The following ZMAT4 variants were observed in gnomAD, a reference collection of about 807,000 sequenced individuals.
ZMAT4 encodes zinc finger matrin-type protein 4.
A neutral mutation model predicts 28.7 loss-of-function variants in ZMAT4; 17 were observed. The observed-to-expected ratio is 0.59, with a 90% CI of 0.41 to 0.89. The LOEUF is 0.89. ZMAT4 is among the 40% of genes least tolerant of loss of function. ZMAT4 has a pLI of 0.00. For missense variants in ZMAT4, 240 were observed against 283.8 expected (o/e 0.85, Z 1.11); for synonymous variants, 117 against 109.2 (o/e 1.07, Z -0.44).
At chr8:40,893,329 T>A (rs1416903933) in intron 1 of ZMAT4, among the ~76,000 whole-genome samples, 1 of 151,982 alleles carries the variant, frequency 6.6e-6, no homozygotes, top group Non-Finnish European at 1.5e-5. Flanking sequence ...TGTGGCAAAA[T>A]CAAGAGAGAA....
At chr8:40,738,241 G>T (rs1811859348) in intron 3 of ZMAT4, among the ~76,000 whole-genome samples, 1 of 152,106 alleles carries the variant, frequency 6.6e-6, no homozygotes, top group South Asian at 2.1e-4. Context: ...GAGACAAAGA[G>T]AATTCATGCA....
chr8:40,876,981 C>T (rs1818062063), intron 1 of ZMAT4, among the ~76,000 whole-genome samples: 1 of 152,188 alleles, frequency 6.6e-6, no homozygotes. Context: ...AATATCCTAG[C>T]CTCCACTCCT....
At chr8:40,590,190 A>C (rs1563354370) in intron 5 of ZMAT4, among the ~76,000 whole-genome samples, 1 of 149,606 alleles carries the variant, frequency 6.7e-6, no homozygotes, top group Non-Finnish European at 1.5e-5. Flanking sequence ...TGCCTTGCTA[A>C]TTTTTTTTTA....
At position 40,891,186 on chromosome 8, in the gene ZMAT4, GGGAGA is replaced by G. The variant is rs1191699611; in HGVS notation, c.-5+6492_-5+6496del. 5.3e-3 allele frequency among the ~76,000 whole-genome samples: 236 copies of G among 44,650 alleles called. 7 individuals carry two copies. Among genetic ancestry groups the G allele is most frequent in the African/African-American group, 0.013 (173 of 13,584 alleles). The allele number at this position is 44,650 out of a possible 152,430, so 29.3% of individuals were successfully genotyped here. ...GCACTCCAGCCTGGGCAACAGAGTG[GGGAGA>G]GGAGAGGAGAGGAGAGGAGAGGAGA... On this transcript the variant is annotated intron_variant, in intron 1 of 6. Transcript: ENST00000297737.
intron 6 of ZMAT4, among the ~76,000 whole-genome samples, chr8:40,545,807 T>C (rs1376532372): frequency 6.6e-6 from 1 of 152,004 alleles, no homozygotes; most frequent in Non-Finnish European, 1.5e-5. Context: ...TTTTGGTACT[T>C]TGTTATGGCA....
intron 4 of ZMAT4, among the ~76,000 whole-genome samples, chr8:40,688,593 C>G (rs1207380443): frequency 6.6e-6 from 1 of 152,118 alleles, no homozygotes; most frequent in Non-Finnish European, 1.5e-5. Context: ...ATGATTAGAG[C>G]CATAAACTAC....
chr8:40,662,679 T>G (rs906725997), intron 5 of ZMAT4, among the ~76,000 whole-genome samples: 2 of 152,160 alleles, frequency 1.3e-5, no homozygotes, highest in Non-Finnish European at 2.9e-5. Context: ...ACTGAGAATG[T>G]TCATCAATTA....
At chr8:40,647,555 G>C (rs956003794) in intron 5 of ZMAT4, among the ~76,000 whole-genome samples, 6 of 152,148 alleles carry the variant, frequency 3.9e-5, no homozygotes, top group African/African-American at 1.2e-4. Context: ...TGGGAAGCTC[G>C]AACTGGGTGG....
intron 1 of ZMAT4, among the ~76,000 whole-genome samples, chr8:40,876,507 G>A (rs1818046447): frequency 6.6e-6 from 1 of 151,760 alleles, no homozygotes; most frequent in Non-Finnish European, 1.5e-5. Context: ...GTAGAGATGA[G>A]GTCTCGCTGT....
At chr8:40,725,872 G>A (rs904239359) in intron 3 of ZMAT4, among the ~76,000 whole-genome samples, 7 of 151,614 alleles carry the variant, frequency 4.6e-5, no homozygotes, top group Non-Finnish European at 7.4e-5. Context: ...TAAGAGATGG[G>A]CTTTGTAAAA....
chr8:40,622,221 GC>G (rs1806227064), intron 5 of ZMAT4, among the ~76,000 whole-genome samples: 1 of 152,178 alleles, frequency 6.6e-6, no homozygotes, highest in South Asian at 2.1e-4. Context: ...AAACAAAATA[GC>G]TTATTCCAGA....
chr8:40,835,298 A>T (rs1381930512), intron 1 of ZMAT4, among the ~76,000 whole-genome samples: 1 of 152,110 alleles, frequency 6.6e-6, no homozygotes, highest in Non-Finnish European at 1.5e-5. Flanking sequence ...GAGGGAATAA[A>T]ACATGCTCCT....
chr8:40,817,681 G>A (rs560648407), intron 2 of ZMAT4, among the ~76,000 whole-genome samples: 21 of 152,214 alleles, frequency 1.4e-4, no homozygotes, highest in African/African-American at 4.8e-4. Context: ...CTGGACCAAG[G>A]GGAGCCACAT....
chr8:40,841,458 C>T (rs1220605151), intron 1 of ZMAT4, among the ~76,000 whole-genome samples: 1 of 152,212 alleles, frequency 6.6e-6, no homozygotes, highest in Non-Finnish European at 1.5e-5. Flanking sequence ...TGTGTTCTCT[C>T]CTCTGCATCT....
intron 1 of ZMAT4, among the ~76,000 whole-genome samples, chr8:40,873,926 C>A (rs1817948861): frequency 6.6e-6 from 1 of 152,102 alleles, no homozygotes; most frequent in African/African-American, 2.4e-5. Context: ...AGAGTAAGCC[C>A]AGCGTGCGTG....
At chr8:40,646,112 G>A (rs1807301458) in intron 5 of ZMAT4, among the ~76,000 whole-genome samples, 1 of 151,672 alleles carries the variant, frequency 6.6e-6, no homozygotes, top group African/African-American at 2.4e-5. Flanking sequence ...GTTTTGTTGT[G>A]TTTTCAATTT....
chr8:40,847,437 C>T (rs1816948704), intron 1 of ZMAT4, among the ~76,000 whole-genome samples: 2 of 152,208 alleles, frequency 1.3e-5, no homozygotes, highest in Admixed American at 1.3e-4. Context: ...CTCCTTGCAA[C>T]TCAAGAGTGG....
intron 3 of ZMAT4, among the ~76,000 whole-genome samples, chr8:40,733,166 G>A (rs2150528040): frequency 6.6e-6 from 1 of 152,110 alleles, no homozygotes; most frequent in South Asian, 2.1e-4. Flanking sequence ...AAAAATCTGA[G>A]CACAGTTAAA....
chr8:40,612,604 C>T lies in ZMAT4; in HGVS notation c.578-31343G>A, dbSNP rs545471682. On this transcript the variant is annotated intron_variant, in intron 5 of 6. Transcript: ENST00000297737. Reference sequence around the variant, plus strand: ...TGATCTGAAGTCCATATGTTTGTCCCGGTTTTCCTGCTAAGTTCCAGACTC... The same window carrying T: ...TGATCTGAAGTCCATATGTTTGTCCTGGTTTTCCTGCTAAGTTCCAGACTC... Among the ~76,000 whole-genome samples, 48 of 136,930 alleles carry T rather than the reference C, an allele frequency of 3.5e-4. 11 individuals carry two copies. Among genetic ancestry groups the T allele is most frequent in the Admixed American group, 2.7e-3 (37 of 13,572 alleles). 89.8% of individuals were successfully genotyped at this position (136,930 alleles called of 152,430 possible). A position where few individuals can be genotyped will look rare whatever the true frequency, so the allele number is the denominator to read the frequency against.
Sources: gnomAD v4.1 joint callset for allele counts (sites outside exome capture counted in the v4.1 genomes callset) on GRCh38, gnomAD v4.1.1 for gene constraint, MANE v1.5 for transcripts, NCBI Gene and HGNC (gene_info 2026-07-23, HGNC 2026-07-21) for gene names.